Variants in PLCB1 observed in about 807,000 individuals in gnomAD.
The protein encoded by PLCB1 is 1-phosphatidylinositol 4,5-bisphosphate phosphodiesterase beta-1.
Under a neutral mutation model 161.8 loss-of-function variants are expected in PLCB1, and 46 were observed. The ratio of observed to expected loss-of-function variants is 0.28; its 90% CI spans 0.22 to 0.36. The LOEUF is 0.36. Among genes scored for constraint, PLCB1 ranks in the 10% least tolerant of loss-of-function variants. PLCB1 has a pLI of 1.00. For missense variants in PLCB1, 1,016 were observed against 1,472.5 expected, an observed-to-expected ratio of 0.69 and a Z score of 5.07; for synonymous variants, 517 against 503.7, an observed-to-expected ratio of 1.03 and a Z score of -0.35.
intron 2 of PLCB1, among the ~76,000 whole-genome samples, chr20:8,167,656 A>T (rs1174236736): frequency 6.6e-6 from 1 of 152,226 alleles, no homozygotes; most frequent in Non-Finnish European, 1.5e-5. Context: ...TACAAAAGAA[A>T]AAGCAGTATT....
chr20:8,195,312 C>T (rs2052009992), intron 2 of PLCB1, among the ~76,000 whole-genome samples: 1 of 151,860 alleles, frequency 6.6e-6, no homozygotes, highest in Non-Finnish European at 1.5e-5. Context: ...ACCTAATCCC[C>T]AATGAGAGGG....
intron 3 of PLCB1, among the ~76,000 whole-genome samples, chr20:8,435,580 A>G (rs1980262143): frequency 2.6e-5 from 4 of 152,160 alleles, no homozygotes; most frequent in Non-Finnish European, 4.4e-5. Flanking sequence ...CCGGAACTGC[A>G]AGCAGCCTCT....
chr20:8,400,969 G>T (rs1003151507), intron 3 of PLCB1, among the ~76,000 whole-genome samples: 20 of 152,096 alleles, frequency 1.3e-4, no homozygotes, highest in Admixed American at 1.3e-3. Context: ...ATGGCTCAGC[G>T]AAGAGATTAT....
chr20:8,159,943 G>A (rs568428599), intron 2 of PLCB1, among the ~76,000 whole-genome samples: 244 of 141,996 alleles, frequency 1.7e-3, no homozygotes, highest in Non-Finnish European at 3.0e-3. Context: ...AGCCAAGATC[G>A]TGCCATTGTA....
chr20:8,649,725 G>C, intron 7 of PLCB1: 1 of 452,798 alleles, frequency 2.2e-6, no homozygotes, highest in Non-Finnish European at 4.0e-6. Context: ...CCACTAGCAA[G>C]AAGACTTTTG....
At chr20:8,179,223 C>G (rs1336371093) in intron 2 of PLCB1, among the ~76,000 whole-genome samples, 4 of 152,070 alleles carry the variant, frequency 2.6e-5, no homozygotes, top group African/African-American at 9.7e-5. Flanking sequence ...TTGCTTTGGG[C>G]AGTATGGCCA....
intron 22 of PLCB1, 31 bp from the exon 23 acceptor site, chr20:8,741,431 ACC>A (rs1980874015): frequency 4.2e-6 from 6 of 1,420,206 alleles, no homozygotes; most frequent in African/African-American, 4.2e-5. Flanking sequence ...TACTTCCAGG[ACC>A]TTTGATCTAA....
At chr20:8,565,705 G>A (rs1986310790) in intron 3 of PLCB1, among the ~76,000 whole-genome samples, 2 of 152,062 alleles carry the variant, frequency 1.3e-5, no homozygotes, top group Admixed American at 6.6e-5. Context: ...CTAATGTGGT[G>A]TAAGTAAAAG....
intron 3 of PLCB1, among the ~76,000 whole-genome samples, chr20:8,398,115 C>T (rs1256240286): frequency 6.6e-6 from 1 of 151,950 alleles, no homozygotes; most frequent in Non-Finnish European, 1.5e-5. Flanking sequence ...GTTATTTTTG[C>T]CACTTTGACA....
chr20:8,489,083 G>A (rs572320074), intron 3 of PLCB1, among the ~76,000 whole-genome samples: 10 of 152,114 alleles, frequency 6.6e-5, no homozygotes, highest in South Asian at 2.1e-4. Flanking sequence ...ATTATTCCTC[G>A]TATACTTATT....
intron 31 of PLCB1, among the ~76,000 whole-genome samples, chr20:8,841,019 G>T (rs1986484253): frequency 6.6e-6 from 1 of 152,126 alleles, no homozygotes; most frequent in Non-Finnish European, 1.5e-5. Context: ...TGTATTTTTA[G>T]TAGAGATGGT....
At chr20:8,394,268 C>G (rs537843786) in intron 3 of PLCB1, among the ~76,000 whole-genome samples, 28 of 152,168 alleles carry the variant, frequency 1.8e-4, no homozygotes, top group African/African-American at 6.7e-4. Context: ...AAAATTGGTA[C>G]TACTTGGCCT....
intron 3 of PLCB1, among the ~76,000 whole-genome samples, chr20:8,430,194 T>A (rs562782319): frequency 6.6e-6 from 1 of 152,002 alleles, no homozygotes; most frequent in Non-Finnish European, 1.5e-5. Flanking sequence ...TGTGCCCTGA[T>A]TTTGAGTTAC....
intron 31 of PLCB1, among the ~76,000 whole-genome samples, chr20:8,846,979 C>T (rs1183221122): frequency 1.3e-5 from 2 of 152,162 alleles, no homozygotes; most frequent in African/African-American, 2.4e-5. Context: ...GGACTCTCAA[C>T]CTAAGCTAAA....
At chr20:8,350,455 T>G (rs2122256577) in intron 2 of PLCB1, among the ~76,000 whole-genome samples, 1 of 152,372 alleles carries the variant, frequency 6.6e-6, no homozygotes, top group East Asian at 1.9e-4. Context: ...TATTCCATTG[T>G]GTATATGTGC....
chr20:8,294,047 G>A (rs1160036080), intron 2 of PLCB1, among the ~76,000 whole-genome samples: 1 of 152,146 alleles, frequency 6.6e-6, no homozygotes, highest in Non-Finnish European at 1.5e-5. Flanking sequence ...CTGGAAATGA[G>A]AGGAATGTTT....
rs547063699 is a variant in PLCB1, at chr20:8,758,419, TA to T, written c.2656+1246del. 3.3e-5 allele frequency among the ~76,000 whole-genome samples: 5 copies of T among 151,866 alleles called. No homozygotes were observed. In the East Asian group the frequency reaches 9.7e-4, roughly 30 times the overall value. On this transcript the variant is annotated intron_variant, in intron 24 of 31. Transcript: ENST00000338037. ...AACATGGTGAAACCCCCATCGCTAC[TA>T]AAAATACATAAGTTAGCCTGGCATG...
At chr20:8,431,955 C>CA (rs1980062696) in intron 3 of PLCB1, among the ~76,000 whole-genome samples, 2 of 151,846 alleles carry the variant, frequency 1.3e-5, no homozygotes, top group Non-Finnish European at 2.9e-5. Context: ...AGGTAGGTTT[C>CA]AGAACATTCC....
At chr20:8,865,331 A>G (rs1274478023) in intron 31 of PLCB1, among the ~76,000 whole-genome samples, 1 of 152,210 alleles carries the variant, frequency 6.6e-6, no homozygotes, top group Non-Finnish European at 1.5e-5. Context: ...AATAACCAAA[A>G]AGGCCCCCAG....
Sources: gnomAD v4.1 joint callset for allele counts (sites outside exome capture counted in the v4.1 genomes callset) on GRCh38, gnomAD v4.1.1 for gene constraint, MANE v1.5 for transcripts, NCBI Gene and HGNC (gene_info 2026-07-23, HGNC 2026-07-21) for gene names.